GRIK4: variants seen among roughly 807,000 people sequenced by gnomAD.
The protein encoded by GRIK4 is glutamate receptor ionotropic, kainate 4.
A neutral mutation model predicts 104.9 loss-of-function variants in GRIK4; 40 were observed. The ratio of observed to expected loss-of-function variants is 0.38; its 90% CI spans 0.30 to 0.50. GRIK4 has a LOEUF of 0.50. Among genes scored for constraint, GRIK4 ranks in the 20% least tolerant of loss-of-function variants. The pLI is 0.93. For missense variants in GRIK4, 1,047 were observed against 1,308.1 expected, an observed-to-expected ratio of 0.80 and a Z score of 3.08; for synonymous variants, 485 against 524.9, an observed-to-expected ratio of 0.92 and a Z score of 1.04.
intron 1 of GRIK4, among the ~76,000 whole-genome samples, chr11:120,530,112 G>A (rs1405034763): frequency 2.6e-5 from 4 of 152,240 alleles, no homozygotes; most frequent in African/African-American, 9.6e-5. Context: ...AAATGCCTGT[G>A]TGCCAACCAC....
intron 8 of GRIK4, among the ~76,000 whole-genome samples, chr11:120,846,117 A>G (rs1383742476): frequency 6.6e-6 from 1 of 152,262 alleles, no homozygotes; most frequent in Non-Finnish European, 1.5e-5. Flanking sequence ...GAGAAAAAAC[A>G]GAGAGAATCA....
At chr11:120,588,448 AC>A (rs1044231004) in intron 1 of GRIK4, among the ~76,000 whole-genome samples, 2 of 152,098 alleles carry the variant, frequency 1.3e-5, no homozygotes, top group African/African-American at 4.8e-5. Context: ...GGATGGGGAG[AC>A]CGCAGGCACG....
At chr11:120,891,151 G>T (rs772415340) in intron 11 of GRIK4, among the ~76,000 whole-genome samples, 3 of 152,210 alleles carry the variant, frequency 2.0e-5, no homozygotes, top group Non-Finnish European at 4.4e-5. Flanking sequence ...CCCCCTCAGC[G>T]GCAGGGCGTG....
intron 1 of GRIK4, chr11:120,619,820 G>A: frequency 5.8e-6 from 1 of 171,052 alleles, no homozygotes; most frequent in Non-Finnish European, 1.2e-5. Context: ...ACAGCCTGCA[G>A]AACTGTAAGC....
chr11:120,753,309 G>GTGTGTGTGTGTA (rs1235441927), intron 3 of GRIK4, among the ~76,000 whole-genome samples: 30 of 104,274 alleles, frequency 2.9e-4, no homozygotes, highest in African/African-American at 8.7e-4. Context: ...GTGTGTGTGT[G>GTGTGTGTGTGTA]TGTGTGTGTG....
At chr11:120,960,801 A>C (rs1318857878) in intron 16 of GRIK4, 108 bp from the exon 17 acceptor site, 1 of 789,546 alleles carries the variant, frequency 1.3e-6, no homozygotes, top group Non-Finnish European at 2.0e-6. Flanking sequence ...AAGCTCTTTC[A>C]TAAGAAAGAT....
At chr11:120,648,984 C>T (rs74316906) in intron 1 of GRIK4, among the ~76,000 whole-genome samples, 11,621 of 152,206 alleles carry the variant, frequency 0.076, 1,433 homozygotes, top group African/African-American at 0.26. Flanking sequence ...TCCCTTGGCC[C>T]CCGAGGGAGC....
At chr11:120,744,378 G>A (rs1413066262) in intron 3 of GRIK4, among the ~76,000 whole-genome samples, 2 of 152,194 alleles carry the variant, frequency 1.3e-5, no homozygotes, top group African/African-American at 4.8e-5. Context: ...TGTCAATCAT[G>A]TTAGCCTTTT....
chr11:120,632,116 C>T (rs1209970448), intron 1 of GRIK4, among the ~76,000 whole-genome samples: 1 of 152,100 alleles, frequency 6.6e-6, no homozygotes, highest in Non-Finnish European at 1.5e-5. Flanking sequence ...AGAAGTGAGC[C>T]TTTGGGAGGT....
At chr11:120,929,251 G>T (rs1943428792) in intron 13 of GRIK4, among the ~76,000 whole-genome samples, 1 of 152,122 alleles carries the variant, frequency 6.6e-6, no homozygotes. Context: ...GGTGGCGTGG[G>T]CAGACAGCCT....
intron 3 of GRIK4, among the ~76,000 whole-genome samples, chr11:120,741,283 T>TC (rs1402459378): frequency 1.4e-5 from 2 of 140,060 alleles, no homozygotes; most frequent in East Asian, 4.0e-4. Flanking sequence ...TTCTTTTTTT[T>TC]TTTTTTTTTT....
intron 13 of GRIK4, among the ~76,000 whole-genome samples, chr11:120,911,888 G>A (rs1440362326): frequency 6.6e-6 from 1 of 150,980 alleles, no homozygotes; most frequent in Non-Finnish European, 1.5e-5. Context: ...CTTATACGGA[G>A]GTAGACATGC....
At chr11:120,650,547 G>A (rs1949603392) in intron 1 of GRIK4, among the ~76,000 whole-genome samples, 1 of 152,162 alleles carries the variant, frequency 6.6e-6, no homozygotes, top group Non-Finnish European at 1.5e-5. Flanking sequence ...TCCTTAGGGA[G>A]GTCTTCCCTC....
intron 18 of GRIK4, among the ~76,000 whole-genome samples, chr11:120,963,523 C>T (rs1944328740): frequency 6.6e-6 from 1 of 152,176 alleles, no homozygotes; most frequent in Non-Finnish European, 1.5e-5. Context: ...AGAGCCCGTG[C>T]TGTAGAGGGT....
At chr11:120,691,172 A>G (rs141336774) in intron 3 of GRIK4, among the ~76,000 whole-genome samples, 1 of 152,210 alleles carries the variant, frequency 6.6e-6, no homozygotes, top group East Asian at 1.9e-4. Flanking sequence ...TTATCTCGGC[A>G]TCTACTGTTT....
chr11:120,513,422 G>T lies in GRIK4; in HGVS notation c.-159+1535G>T, dbSNP rs1264018790. Among the ~76,000 whole-genome samples the T allele has an allele frequency of 1.3e-5, 2 of 152,270 alleles. No individual in the cohort carries two copies. The highest frequency in any genetic ancestry group is 3.4e-3 in the Middle Eastern group (1 of 294). ...TCGCGTGGTCAGGGGCGAGGGGCTTGTCGAGGTCCACTGTGTTCCGGTCCC... is the reference window on the plus strand; with the variant it reads ...TCGCGTGGTCAGGGGCGAGGGGCTTTTCGAGGTCCACTGTGTTCCGGTCCC... On this transcript the variant is annotated intron_variant, in intron 1 of 20. Coordinates refer to ENST00000527524, the MANE Select transcript of GRIK4 (RefSeq NM_014619.5). The surrounding 1 kb of genome is among the most constrained non-coding windows in gnomAD (Gnocchi z 4.5).
intron 1 of GRIK4, among the ~76,000 whole-genome samples, chr11:120,553,932 G>C (rs537483730): frequency 6.6e-6 from 1 of 152,214 alleles, no homozygotes; most frequent in Non-Finnish European, 1.5e-5. Context: ...CTTTAAAACA[G>C]AGAAGCCTCC....
chr11:120,533,241 G>C (rs1466757910), intron 1 of GRIK4, among the ~76,000 whole-genome samples: 1 of 152,136 alleles, frequency 6.6e-6, no homozygotes, highest in Non-Finnish European at 1.5e-5. Context: ...GGGTCAGAGG[G>C]GACTTCTAGA....
At chr11:120,733,584 T>A (rs4936545) in intron 3 of GRIK4, among the ~76,000 whole-genome samples, 3 of 121,954 alleles carry the variant, frequency 2.5e-5, no homozygotes, top group Non-Finnish European at 3.6e-5. Flanking sequence ...ATGCACAAAC[T>A]AACAAGCAAG....
Sources: gnomAD v4.1 joint callset for allele counts (sites outside exome capture counted in the v4.1 genomes callset) on GRCh38, gnomAD v4.1.1 for gene constraint, Gnocchi (gnomAD v3.1) non-coding constraint, MANE v1.5 for transcripts, NCBI Gene and HGNC (gene_info 2026-07-23, HGNC 2026-07-21) for gene names.